SCAMP1: variants seen among roughly 807,000 people sequenced by gnomAD.
The protein encoded by SCAMP1 is secretory carrier membrane protein 1.
SCAMP1 carries 15 observed loss-of-function variants against 41.8 expected under a neutral mutation model. That is an observed-to-expected ratio of 0.36 (90% confidence interval 0.24 to 0.55). SCAMP1 has a LOEUF of 0.55. Ranked by LOEUF, SCAMP1 falls within the 20% of genes least tolerant of loss-of-function variation. The probability of loss-of-function intolerance (pLI) is 0.86; values close to 1 mark genes in which losing one functional copy is unlikely to be tolerated. For missense variants in SCAMP1, 341 were observed against 412.6 expected, an observed-to-expected ratio of 0.83 and a Z score of 1.50; for synonymous variants, 135 against 136.8, an observed-to-expected ratio of 0.99 and a Z score of 0.09.
intron 6 of SCAMP1, among the ~76,000 whole-genome samples, chr5:78,423,702 G>A (rs548524322): frequency 6.6e-6 from 1 of 151,348 alleles, no homozygotes; most frequent in African/African-American, 2.4e-5. Context: ...TTTGGCAGTT[G>A]AAATAAAAAT....
Position 78,479,739 on chromosome 5 carries a change from A to G in SCAMP1, c.*4071A>G. 6.6e-6 allele frequency among the ~76,000 whole-genome samples: 1 copy of G among 152,222 alleles called. No individual in the cohort carries two copies. Among genetic ancestry groups the G allele is most frequent in the East Asian group, 1.9e-4 (1 of 5,200 alleles). ...TTAACTTTGGGGTTTGGGTAAGACA[A>G]ACATTTAATGTATAGGATTTTGGCC... is the stretch of plus-strand genomic sequence containing the variant. On this transcript the variant is annotated 3_prime_UTR_variant, in exon 9 of 9. Coordinates refer to ENST00000621999, the MANE Select transcript of SCAMP1 (RefSeq NM_004866.6).
At chr5:78,458,510 A>G (rs970561274) in intron 7 of SCAMP1, among the ~76,000 whole-genome samples, 1 of 152,122 alleles carries the variant, frequency 6.6e-6, no homozygotes, top group Non-Finnish European at 1.5e-5. Context: ...TGTATATTCT[A>G]GATGTGAATC....
chr5:78,413,562 T>G lies in SCAMP1; in HGVS notation c.136-1958T>G, dbSNP rs1461597076. ...CCTCTCCAGTAGCTGGGACTACAGG[T>G]GCACACCACCATGCCTGTCTAATTT... On this transcript the variant is annotated intron_variant, in intron 2 of 8. Transcript: ENST00000621999. Among the ~76,000 whole-genome samples, 3 of 151,898 alleles carry G rather than the reference T, an allele frequency of 2.0e-5. No homozygotes were observed. The East Asian group carries it at 5.8e-4, about 29-fold the overall frequency.
rs762039753 is a variant in SCAMP1 at position 78,449,969 on chromosome 5, C to T, written c.669C>T (p.Phe223=). The stretch of plus-strand genomic sequence containing the variant: ...CATTTAGATTCTTTGTATTCTTCTT[C>T]GTCTATATTTGTCAGTTTGCTGTAC... ...DSSFRFFVFF[F]VYICQFAVHV... Residue 223 remains phenylalanine, a synonymous_variant, in exon 7 of 9, where the codon TTC becomes TTT. Coordinates refer to ENST00000621999, the MANE Select transcript of SCAMP1 (RefSeq NM_004866.6). 18 of 1,539,778 alleles carry T rather than the reference C, an allele frequency of 1.2e-5. No homozygotes were observed. Among genetic ancestry groups the T allele is most frequent in the Middle Eastern group, 1.7e-4 (1 of 5,864 alleles).
chr5:78,453,593 G>A (rs1753301144), intron 7 of SCAMP1, among the ~76,000 whole-genome samples: 2 of 151,594 alleles, frequency 1.3e-5, no homozygotes, highest in African/African-American at 4.8e-5. Context: ...CTGTAGCCTT[G>A]TAGTATAGTT....
intron 1 of SCAMP1, among the ~76,000 whole-genome samples, chr5:78,368,412 T>C (rs138963722): frequency 7.2e-4 from 110 of 152,350 alleles, no homozygotes; most frequent in African/African-American, 2.5e-3. Context: ...GTGCTGATAT[T>C]ACCAAAAGTT....
At chr5:78,419,336 AAG>A (rs796688047) in intron 5 of SCAMP1, among the ~76,000 whole-genome samples, 138 of 152,278 alleles carry the variant, frequency 9.1e-4, no homozygotes, top group African/African-American at 3.1e-3. Flanking sequence ...TACATAAACT[AAG>A]TGTTCTTTTT....
chr5:78,417,230 G>C (rs554065479), intron 4 of SCAMP1, among the ~76,000 whole-genome samples: 2 of 152,302 alleles, frequency 1.3e-5, no homozygotes, highest in East Asian at 3.9e-4. Context: ...AGATAAAAGA[G>C]CTAGATAAGT....
chr5:78,367,826 C>T (rs909622388), intron 1 of SCAMP1, among the ~76,000 whole-genome samples: 9 of 152,264 alleles, frequency 5.9e-5, no homozygotes, highest in South Asian at 2.1e-4. Flanking sequence ...TAGCCAGGCA[C>T]GTGTTGTTAG....
At chr5:78,391,857 ACT>A (rs1751516832) in intron 2 of SCAMP1, among the ~76,000 whole-genome samples, 2 of 152,152 alleles carry the variant, frequency 1.3e-5, no homozygotes, top group East Asian at 3.9e-4. Context: ...AAATACAAAA[ACT>A]GGTCAGGCGT....
In SCAMP1 at chr5:78,477,703, C is replaced by CT. The variant is rs1326561193; in HGVS notation, c.*2042dup. 3.9e-5 allele frequency: 6 copies of CT among 152,018 alleles called. No individual in the cohort carries two copies. Among genetic ancestry groups the CT allele is most frequent in the African/African-American group, 1.4e-4 (6 of 41,426 alleles). The allele number at this position is 152,018 out of a possible 1,614,324, so 9.4% of individuals were successfully genotyped here. A position where few individuals can be genotyped will look rare whatever the true frequency, so the allele number is the denominator to read the frequency against. On this transcript the variant is annotated 3_prime_UTR_variant, in exon 9 of 9. Transcript: ENST00000621999. ...CAAAGAATAATTAGAACCCACATATCTTTTTTTGTGTGGATGGGGAAAATG... is the reference window on the plus strand; with the variant it reads ...CAAAGAATAATTAGAACCCACATATCTTTTTTTTGTGTGGATGGGGAAAATG...
intron 8 of SCAMP1, among the ~76,000 whole-genome samples, chr5:78,466,968 A>G (rs1753764607): frequency 6.6e-6 from 1 of 152,148 alleles, no homozygotes; most frequent in African/African-American, 2.4e-5. Flanking sequence ...CTCAAGGATG[A>G]CACCCAGGTT....
At chr5:78,437,424 C>T (rs183319549) in intron 6 of SCAMP1, among the ~76,000 whole-genome samples, 3 of 152,128 alleles carry the variant, frequency 2.0e-5, no homozygotes, top group Non-Finnish European at 2.9e-5. Context: ...TAGCGTGAAG[C>T]GCTGTTGAAT....
At chr5:78,386,656 G>T (rs1048461326) in intron 1 of SCAMP1, among the ~76,000 whole-genome samples, 1 of 151,912 alleles carries the variant, frequency 6.6e-6, no homozygotes, top group Non-Finnish European at 1.5e-5. Context: ...TGCTGGCTTT[G>T]TAGTGGCAAA....
chr5:78,459,946 C>G (rs972478240), intron 8 of SCAMP1, among the ~76,000 whole-genome samples: 1 of 152,018 alleles, frequency 6.6e-6, no homozygotes, highest in Non-Finnish European at 1.5e-5. Context: ...GTGTCTGTTT[C>G]CATCTTTATG....
At chr5:78,421,156 A>G (rs575240219) in intron 5 of SCAMP1, among the ~76,000 whole-genome samples, 3 of 152,302 alleles carry the variant, frequency 2.0e-5, no homozygotes, top group Admixed American at 2.0e-4. Context: ...GAATTTGTCA[A>G]CATCTATTTG....
chr5:78,462,231 A>C (rs117237378), intron 8 of SCAMP1, among the ~76,000 whole-genome samples: 1,571 of 126,972 alleles, frequency 0.012, 18 homozygotes, highest in African/African-American at 0.036. Context: ...GTGTGTGTCT[A>C]TTGTAAATGG....
chr5:78,457,431 G>A (rs1396684662), intron 7 of SCAMP1, among the ~76,000 whole-genome samples: 1 of 151,982 alleles, frequency 6.6e-6, no homozygotes, highest in South Asian at 2.1e-4. Context: ...CAGGTCTGTT[G>A]GAATACCCTG....
In SCAMP1 at chr5:78,360,702, G is replaced by A. The variant is rs966268989; in HGVS notation, c.31G>A (p.Asp11Asn). 1.2e-6 allele frequency: 2 copies of A among 1,610,648 alleles called. No individual in the cohort carries two copies. The highest frequency in any genetic ancestry group is 1.7e-6 in the Non-Finnish European group (2 of 1,178,642). The change falls in exon 1 of 9, where the codon GAC becomes AAC. Residue 11 changes from aspartate (D) to asparagine (N), a missense_variant. Coordinates refer to ENST00000621999, the MANE Select transcript of SCAMP1 (RefSeq NM_004866.6). MSDFDSNPFA[D>N]PDLNNPFKDP... ...GGATTTCGACAGTAACCCGTTTGCC[G>A]ACCCGGATCTCAACAATCCCTTCAA...
Sources: gnomAD v4.1 joint callset for allele counts (sites outside exome capture counted in the v4.1 genomes callset) on GRCh38, gnomAD v4.1.1 for gene constraint, MANE v1.5 for transcripts, NCBI Gene and HGNC (gene_info 2026-07-23, HGNC 2026-07-21) for gene names.